Variants in EML5 observed in about 807,000 individuals in gnomAD.
EML5 encodes EMAP like 5.
Under a neutral mutation model 250.0 loss-of-function variants are expected in EML5, and 120 were observed. The observed-to-expected ratio is 0.48, with a 90% confidence interval of 0.41 to 0.56. The LOEUF is 0.56. EML5 is among the 20% of genes least tolerant of loss of function. The pLI, the probability that EML5 is intolerant of heterozygous loss-of-function variation, is 0.00. For synonymous variants in EML5, 771 were observed against 806.5 expected (o/e 0.96, Z 0.75); for missense variants, 2,006 against 2,437.6 (o/e 0.82, Z 3.73).
Position 88,705,936 on chromosome 14 carries a change from A to AT in EML5, c.1825+322dup, listed in dbSNP as rs898383638. The stretch of plus-strand genomic sequence containing the variant: ...GCAACAGATGAATTGACATTAGATA[A>AT]TTTTTGTCAATAAAAGCATTTACAA... On this transcript the variant is annotated intron_variant, in intron 11 of 43. Transcript: ENST00000554922. 5.6e-6 allele frequency: 3 copies of AT among 536,560 alleles called. No homozygotes were observed. In the Admixed American group the frequency reaches 8.1e-5, roughly 14 times the overall value. 33.2% of individuals were successfully genotyped at this position (536,560 alleles called of 1,614,324 possible). A position where few individuals can be genotyped will look rare whatever the true frequency, so the allele number is the denominator to read the frequency against.
chr14:88,635,791 G>A (rs2090691135), intron 32 of EML5, among the ~76,000 whole-genome samples: 1 of 152,130 alleles, frequency 6.6e-6, no homozygotes, highest in Non-Finnish European at 1.5e-5. Flanking sequence ...CAGTGTGATG[G>A]TATTAGGAGG....
At chr14:88,699,470 T>C (rs1051725206) in intron 14 of EML5, among the ~76,000 whole-genome samples, 1 of 152,108 alleles carries the variant, frequency 6.6e-6, no homozygotes, top group Non-Finnish European at 1.5e-5. Context: ...TTATCTCTTA[T>C]CATTTATAGC....
chr14:88,741,175 A>AT (rs199563602), intron 4 of EML5, among the ~76,000 whole-genome samples: 1 of 151,862 alleles, frequency 6.6e-6, no homozygotes, highest in South Asian at 2.1e-4. Context: ...AAAAAAAAAA[A>AT]TTTTAGGTTA....
At chr14:88,726,516 ATG>A in intron 8 of EML5, 23 bp downstream of exon 8, 1 of 1,569,322 alleles carries the variant, frequency 6.4e-7, no homozygotes. Flanking sequence ...TAAAATTATT[ATG>A]TGTTTCTACC....
intron 1 of EML5, among the ~76,000 whole-genome samples, chr14:88,779,668 T>C (rs2094477937): frequency 6.6e-6 from 1 of 152,230 alleles, no homozygotes; most frequent in African/African-American, 2.4e-5. Context: ...TGCTCTCTGA[T>C]GTCAAGATAT....
chr14:88,712,292 G>C lies in EML5; in HGVS notation c.1636C>G (p.Arg546Gly), dbSNP rs146665879. The change falls in exon 10 of 44, where the codon CGA (arginine) becomes GGA (glycine). Residue 546 changes from arginine (R) to glycine (G), a missense_variant. By Grantham distance (125) the Arg-to-Gly change is moderately radical. Transcript: ENST00000554922. The part of the protein sequence containing the change: ...ADDYGIIKLF[R>G]YPCLRKGAKF... Reference sequence around the variant, plus strand: ...GTACCTTTTCTTAAACATGGATATCGGAATAATTTTATAATTCCATAGTCA... The same window carrying C: ...GTACCTTTTCTTAAACATGGATATCCGAATAATTTTATAATTCCATAGTCA... 2 of 1,609,156 alleles carry C rather than the reference G, an allele frequency of 1.2e-6. No individual in the cohort carries two copies. Among genetic ancestry groups the C allele is most frequent in the Non-Finnish European group, 1.7e-6 (2 of 1,177,330 alleles).
At chr14:88,717,988 C>T (rs916498818) in intron 8 of EML5, among the ~76,000 whole-genome samples, 3 of 152,040 alleles carry the variant, frequency 2.0e-5, no homozygotes, top group African/African-American at 7.3e-5. Flanking sequence ...TTAAAATGTT[C>T]CTAGAAAATT....
intron 1 of EML5, among the ~76,000 whole-genome samples, chr14:88,781,286 T>G (rs192515054): frequency 2.4e-4 from 36 of 152,350 alleles, no homozygotes; most frequent in African/African-American, 8.2e-4. Flanking sequence ...CTAGTAACTT[T>G]CCAGTAGGGT....
At chr14:88,743,065 A>G (rs1231839933) in intron 4 of EML5, among the ~76,000 whole-genome samples, 1 of 152,102 alleles carries the variant, frequency 6.6e-6, no homozygotes, top group African/African-American at 2.4e-5. Context: ...TCAAAATCTG[A>G]GCTGTAATTA....
intron 20 of EML5, among the ~76,000 whole-genome samples, chr14:88,682,609 GCT>G (rs1239964490): frequency 2.0e-5 from 3 of 151,904 alleles, no homozygotes; most frequent in Non-Finnish European, 2.9e-5. Context: ...AGAACACTAG[GCT>G]CTCTCTCCCC....
chr14:88,684,800 A>T (rs2092793965), intron 20 of EML5, among the ~76,000 whole-genome samples: 1 of 152,062 alleles, frequency 6.6e-6, no homozygotes, highest in Non-Finnish European at 1.5e-5. Context: ...TTCTGTATAC[A>T]TTAACAGAAA....
chr14:88,782,314 C>T (rs779885081), intron 1 of EML5, among the ~76,000 whole-genome samples: 18 of 152,036 alleles, frequency 1.2e-4, no homozygotes, highest in South Asian at 6.2e-4. Context: ...AATTTCTAAG[C>T]GACAAAGAAT....
chr14:88,767,392 C>A (rs1054892014), intron 1 of EML5, among the ~76,000 whole-genome samples: 1 of 152,164 alleles, frequency 6.6e-6, no homozygotes, highest in African/African-American at 2.4e-5. Flanking sequence ...TCCGTACCCC[C>A]TACAATTTTC....
intron 2 of EML5, among the ~76,000 whole-genome samples, chr14:88,747,305 G>C (rs148069017): frequency 3.9e-5 from 6 of 151,938 alleles, no homozygotes; most frequent in African/African-American, 1.5e-4. Context: ...CCATCTACTC[G>C]GGAGGCTGAG....
At chr14:88,707,152 G>C (rs1395254075) in intron 10 of EML5, among the ~76,000 whole-genome samples, 1 of 152,112 alleles carries the variant, frequency 6.6e-6, no homozygotes, top group African/African-American at 2.4e-5. Flanking sequence ...TCTATCATTA[G>C]AGATGTTAAG....
chr14:88,629,485 T>C (rs2090300966), intron 33 of EML5, among the ~76,000 whole-genome samples: 1 of 152,194 alleles, frequency 6.6e-6, no homozygotes, highest in South Asian at 2.1e-4. Context: ...AAACTAAAAT[T>C]ACTGCAAATT....
At chr14:88,677,314 A>G (rs1404291417) in intron 21 of EML5, among the ~76,000 whole-genome samples, 1 of 152,242 alleles carries the variant, frequency 6.6e-6, no homozygotes, top group Non-Finnish European at 1.5e-5. Context: ...AAGATGGATT[A>G]AAGACTTAAA....
At chr14:88,783,752 T>G (rs938110106) in intron 1 of EML5, among the ~76,000 whole-genome samples, 8 of 152,188 alleles carry the variant, frequency 5.3e-5, no homozygotes, top group African/African-American at 1.7e-4. Flanking sequence ...TGGACAGATA[T>G]TCCAGACAGA....
chr14:88,728,826 T>A (rs937333487), intron 7 of EML5, among the ~76,000 whole-genome samples: 25 of 151,742 alleles, frequency 1.6e-4, no homozygotes, highest in Non-Finnish European at 7.4e-5. Flanking sequence ...TTGGAAGTAA[T>A]CTCCCCCAAA....
Sources: allele counts gnomAD v4.1 joint callset (sites outside exome capture counted in the v4.1 genomes callset), GRCh38; gene constraint gnomAD v4.1.1; transcripts MANE v1.5; gene names NCBI Gene and HGNC (gene_info 2026-07-23, HGNC 2026-07-21).